SMC5: variants seen among roughly 807,000 people sequenced by gnomAD.
SMC5 encodes the protein structural maintenance of chromosomes protein 5.
A neutral mutation model predicts 148.3 loss-of-function variants in SMC5; 88 were observed. The observed-to-expected ratio is 0.59, with a 90% CI of 0.50 to 0.71. SMC5 has a LOEUF of 0.71. Among genes scored for constraint, SMC5 ranks in the 30% least tolerant of loss-of-function variants. SMC5 has a pLI of 0.00. For synonymous variants in SMC5, 421 were observed against 432.8 expected (o/e 0.97, Z 0.34); for missense variants, 1,142 against 1,298.9 (o/e 0.88, Z 1.86).
At chr9:70,336,468 C>G (rs1353381450) in intron 17 of SMC5, among the ~76,000 whole-genome samples, 1 of 152,078 alleles carries the variant, frequency 6.6e-6, no homozygotes, top group Non-Finnish European at 1.5e-5. Context: ...TCACCAAGAA[C>G]AAAGGAAGGA....
chr9:70,283,855 G>A (rs1329708345), intron 7 of SMC5, among the ~76,000 whole-genome samples: 1 of 152,026 alleles, frequency 6.6e-6, no homozygotes, highest in Non-Finnish European at 1.5e-5. Context: ...TTTTATTCTT[G>A]TGAATATGCT....
At chr9:70,347,238 G>T in intron 20 of SMC5, 77 bp downstream of exon 20, 2 of 1,192,090 alleles carry the variant, frequency 1.7e-6, no homozygotes, top group Non-Finnish European at 2.4e-6. Flanking sequence ...TACACACACA[G>T]AGTTCCCTCC....
intron 11 of SMC5, among the ~76,000 whole-genome samples, chr9:70,309,273 C>T (rs115982700): frequency 1.7e-4 from 24 of 143,582 alleles, no homozygotes; most frequent in African/African-American, 6.1e-4. Flanking sequence ...TTCTCTGTAG[C>T]ATATGATAGC....
intron 24 of SMC5, among the ~76,000 whole-genome samples, chr9:70,351,700 CT>C (rs1451986644): frequency 2.0e-5 from 3 of 152,008 alleles, no homozygotes; most frequent in Admixed American, 2.0e-4. Context: ...TTGATTGTTC[CT>C]TAGGCCAGGC....
intron 2 of SMC5, among the ~76,000 whole-genome samples, chr9:70,265,486 C>A (rs903027361): frequency 5.3e-5 from 8 of 151,880 alleles, no homozygotes; most frequent in Non-Finnish European, 1.2e-4. Context: ...ATAAAAATCA[C>A]AAAATAAGAT....
At chr9:70,340,838 T>C (rs771506831) in intron 17 of SMC5, among the ~76,000 whole-genome samples, 12 of 152,196 alleles carry the variant, frequency 7.9e-5, no homozygotes, top group Non-Finnish European at 1.6e-4. Flanking sequence ...ACAATTTCCA[T>C]GAGAAGTGAA....
At chr9:70,304,898 A>G (rs1244404963) in intron 10 of SMC5, among the ~76,000 whole-genome samples, 3 of 152,146 alleles carry the variant, frequency 2.0e-5, no homozygotes, top group African/African-American at 7.2e-5. Flanking sequence ...TTAAGAAAAT[A>G]TGAAAAGTGT....
chr9:70,294,399 A>G (rs1056610565), intron 8 of SMC5, among the ~76,000 whole-genome samples: 1 of 152,190 alleles, frequency 6.6e-6, no homozygotes, highest in South Asian at 2.1e-4. Flanking sequence ...AGATAGTTAG[A>G]AGGTATATCA....
At chr9:70,344,742 T>G (rs1423374747) in intron 18 of SMC5, 1 of 152,120 alleles carries the variant, frequency 6.6e-6, no homozygotes, top group Admixed American at 6.6e-5. Flanking sequence ...TCAGTAAAAT[T>G]AGGAGATGCT....
intron 17 of SMC5, among the ~76,000 whole-genome samples, chr9:70,338,109 G>A (rs1037432604): frequency 2.0e-5 from 3 of 152,012 alleles, no homozygotes; most frequent in East Asian, 1.9e-4. Flanking sequence ...TGGAAATCCT[G>A]GGCTCAAGCA....
intron 18 of SMC5, among the ~76,000 whole-genome samples, chr9:70,345,985 G>A (rs1587719842): frequency 6.6e-6 from 1 of 152,136 alleles, no homozygotes; most frequent in Non-Finnish European, 1.5e-5. Context: ...CTTGCTGATG[G>A]ATTTGACATG....
At position 70,314,852 on chromosome 9, in the gene SMC5, A is replaced by G. The variant is rs79786701; in HGVS notation, c.1673+16A>G. ...ATGAACTTAAGTAAGTCTTGAAAAT[A>G]CTAAGATTTATTTAAATATTGAATT... On this transcript the variant is annotated intron_variant, in intron 12 of 24. Transcript: ENST00000361138. 63,690 of 1,324,404 alleles carry G rather than the reference A, an allele frequency of 0.048. 1,894 individuals carry two copies. Among genetic ancestry groups the G allele is most frequent in the Non-Finnish European group, 0.059 (56,189 of 953,758 alleles). 82.0% of individuals were successfully genotyped at this position (1,324,404 alleles called of 1,614,324 possible).
intron 9 of SMC5, among the ~76,000 whole-genome samples, chr9:70,298,985 A>G (rs1385126053): frequency 6.6e-6 from 1 of 151,776 alleles, no homozygotes; most frequent in Non-Finnish European, 1.5e-5. Context: ...AAATGGGATT[A>G]TTAATAATGA....
At chr9:70,336,297 A>G (rs143454391) in intron 17 of SMC5, among the ~76,000 whole-genome samples, 1 of 152,176 alleles carries the variant, frequency 6.6e-6, no homozygotes, top group African/African-American at 2.4e-5. Context: ...AAACCCTTTG[A>G]CTTAAGAAAA....
At chr9:70,347,797 A>T in intron 21 of SMC5, 80 bp downstream of exon 21, 1 of 1,249,096 alleles carries the variant, frequency 8.0e-7, no homozygotes, top group Non-Finnish European at 1.1e-6. Context: ...ATGAGATGAC[A>T]TGCTTCTAAG....
At chr9:70,285,461 T>A (rs1462045330) in intron 7 of SMC5, among the ~76,000 whole-genome samples, 1 of 152,214 alleles carries the variant, frequency 6.6e-6, no homozygotes, top group Non-Finnish European at 1.5e-5. Flanking sequence ...TAGCAGCATG[T>A]TGTTAACTTC....
At chr9:70,282,185 A>T (rs1215600937) in intron 6 of SMC5, among the ~76,000 whole-genome samples, 1 of 152,170 alleles carries the variant, frequency 6.6e-6, no homozygotes, top group Non-Finnish European at 1.5e-5. Flanking sequence ...TGGAAGTCTG[A>T]GAATCTGAAC....
chr9:70,315,351 A>G (rs1003574607), intron 12 of SMC5, 95 bp from the exon 13 acceptor site: 9 of 728,706 alleles, frequency 1.2e-5, no homozygotes, highest in African/African-American at 3.6e-5. Flanking sequence ...GAAATAATGT[A>G]TGTTTTACTT....
At chr9:70,312,304 G>C (rs1361711552) in intron 11 of SMC5, among the ~76,000 whole-genome samples, 1 of 152,032 alleles carries the variant, frequency 6.6e-6, no homozygotes, top group Non-Finnish European at 1.5e-5. Flanking sequence ...AGAGTGGGCA[G>C]GGAACTGCAA....
Sources: gnomAD v4.1 joint callset for allele counts (sites outside exome capture counted in the v4.1 genomes callset) on GRCh38, gnomAD v4.1.1 for gene constraint, MANE v1.5 for transcripts, NCBI Gene and HGNC (gene_info 2026-07-23, HGNC 2026-07-21) for gene names.